The following SHLD3 variants were observed in gnomAD, a reference collection of about 807,000 sequenced individuals.
The protein encoded by SHLD3 is REV7-interacting novel NHEJ regulator 1.
SHLD3 carries 15 observed loss-of-function variants against 21.4 expected under a neutral mutation model. That is an observed-to-expected ratio of 0.70 (90% CI 0.47 to 1.08). The LOEUF is 1.08. Among genes scored for constraint, SHLD3 ranks in the 50% least tolerant of loss-of-function variants. The probability of loss-of-function intolerance (pLI) is 0.00; values close to 1 mark genes in which losing one functional copy is unlikely to be tolerated. For synonymous variants in SHLD3, 103 were observed against 97.2 expected (o/e 1.06, Z -0.35); for missense variants, 273 against 286.1 (o/e 0.95, Z 0.33).
rs1755140031 is a variant in SHLD3, at chr5:65,625,054, G to A, written c.-173G>A. ...CCGTAGGCTGTGGGTCAAAAGTGCCGGTCAAAATGGAAGTGAATCCCCCTA... is the reference window on the plus strand; with the variant it reads ...CCGTAGGCTGTGGGTCAAAAGTGCCAGTCAAAATGGAAGTGAATCCCCCTA... On this transcript the variant is annotated 5_prime_UTR_variant, in exon 1 of 2. Coordinates refer to ENST00000510585, the MANE Select transcript of SHLD3 (RefSeq NM_001365341.2). 2 of 1,613,242 alleles carry A rather than the reference G, an allele frequency of 1.2e-6. No individual in the cohort carries two copies. The highest frequency in any genetic ancestry group is 8.5e-7 in the Non-Finnish European group (1 of 1,179,394).
intron 1 of SHLD3, 167 bp downstream of exon 1, chr5:65,625,273 G>T: frequency 1.6e-6 from 1 of 628,766 alleles, no homozygotes. Flanking sequence ...ATGCTTTTTA[G>T]GTTTATGGGC....
intron 1 of SHLD3, among the ~76,000 whole-genome samples, chr5:65,627,454 A>AC (rs1755295631): frequency 6.6e-6 from 1 of 151,840 alleles, no homozygotes; most frequent in Non-Finnish European, 1.5e-5. Context: ...ACATTATGAA[A>AC]CCCCGTCTCT....
At chr5:65,627,313 ATTAAT>A (rs1290219978) in intron 1 of SHLD3, among the ~76,000 whole-genome samples, 1 of 151,942 alleles carries the variant, frequency 6.6e-6, no homozygotes, top group Non-Finnish European at 1.5e-5. Flanking sequence ...TGCCAAATGT[ATTAAT>A]TTAAGTGGTC....
rs761739530 is a variant in SHLD3, at chr5:65,625,077, C to G, written c.-150C>G. 1.9e-6 allele frequency: 3 copies of G among 1,613,830 alleles called. No individual in the cohort carries two copies. The highest frequency in any genetic ancestry group is 1.1e-5 in the South Asian group (1 of 91,082). ...CCGGTCAAAATGGAAGTGAATCCCC[C>G]TAAACAGGAGCACCTGCTGGCGCTA... On this transcript the variant is annotated 5_prime_UTR_variant, in exon 1 of 2. Coordinates refer to ENST00000510585, the MANE Select transcript of SHLD3 (RefSeq NM_001365341.2).
chr5:65,628,298 G>A (rs965069073), intron 1 of SHLD3, among the ~76,000 whole-genome samples: 4 of 152,062 alleles, frequency 2.6e-5, no homozygotes, highest in Non-Finnish European at 5.9e-5. Context: ...CTGTTTAATT[G>A]CCTGGATTAT....
intron 1 of SHLD3, among the ~76,000 whole-genome samples, chr5:65,626,490 G>T (rs765538529): frequency 5.9e-5 from 9 of 152,154 alleles, no homozygotes; most frequent in Non-Finnish European, 1.3e-4. Context: ...TGTAATCCCA[G>T]CAGTTTGGGA....
At chr5:65,628,619 A>G (rs763146104) in intron 1 of SHLD3, among the ~76,000 whole-genome samples, 3 of 151,750 alleles carry the variant, frequency 2.0e-5, no homozygotes, top group South Asian at 4.2e-4. Flanking sequence ...TTACAGGCAC[A>G]CGCCACCACA....
chr5:65,626,556 T>C (rs1256182046), intron 1 of SHLD3, among the ~76,000 whole-genome samples: 1 of 151,960 alleles, frequency 6.6e-6, no homozygotes, highest in African/African-American at 2.4e-5. Flanking sequence ...GCTAACATAG[T>C]GAAACCCCGT....
In SHLD3 at chr5:65,629,451, C is replaced by G; in HGVS notation, c.-120-17C>G. Reference sequence around the variant, plus strand: ...TATCCCTACCATATCTTATTCTTTGCAATACTTCTACTTTAGGTCCTGTTT... The same window carrying G: ...TATCCCTACCATATCTTATTCTTTGGAATACTTCTACTTTAGGTCCTGTTT... On this transcript the variant is annotated splice_polypyrimidine_tract_variant and intron_variant, in intron 1 of 1. Coordinates refer to ENST00000510585, the MANE Select transcript of SHLD3 (RefSeq NM_001365341.2). 7.1e-7 allele frequency: 1 copy of G among 1,407,154 alleles called. No homozygotes were observed. The highest frequency in any genetic ancestry group is 2.5e-5 in the East Asian group (1 of 39,698). 87.2% of individuals were successfully genotyped at this position (1,407,154 alleles called of 1,614,324 possible).
intron 1 of SHLD3, 162 bp downstream of exon 1, chr5:65,625,268 T>G: frequency 1.5e-6 from 1 of 645,964 alleles, no homozygotes; most frequent in South Asian, 1.8e-5. Flanking sequence ...CCTGGATGCT[T>G]TTTAGGTTTA....
intron 1 of SHLD3, 115 bp downstream of exon 1, chr5:65,625,221 T>A (rs1755154633): frequency 3.3e-6 from 3 of 916,430 alleles, no homozygotes; most frequent in Non-Finnish European, 3.5e-6. Context: ...GCCCTCCTGC[T>A]CTGTCCTTTG....
intron 1 of SHLD3, among the ~76,000 whole-genome samples, chr5:65,629,070 C>G (rs1223366283): frequency 1.3e-5 from 2 of 152,060 alleles, no homozygotes; most frequent in Admixed American, 6.5e-5. Context: ...ATTTAGTTGC[C>G]TCAAATTTTT....
Position 65,630,268 on chromosome 5 carries a change from TAAAG to T in SHLD3, c.682_685del (p.Lys228GlufsTer3). ...ATTGTGAATATGTGGGAAGTCTTCT[TAAAG>T]GAAGATTAGCTCTTACTGGAAAAAT... On this transcript the variant is annotated frameshift_variant, in exon 2 of 2. Transcript: ENST00000510585. LOFTEE classifies it high-confidence loss of function. 3 of 1,535,368 alleles carry T rather than the reference TAAAG, an allele frequency of 2.0e-6. No individual in the cohort carries two copies. The highest frequency in any genetic ancestry group is 1.7e-6 in the Non-Finnish European group (2 of 1,146,470).
chr5:65,625,293 G>A, intron 1 of SHLD3, 187 bp downstream of exon 1: 1 of 596,556 alleles, frequency 1.7e-6, no homozygotes, highest in African/African-American at 1.9e-5. Flanking sequence ...CCCCTTTCTA[G>A]AACGAAATAG....
At position 65,630,377 on chromosome 5, in the gene SHLD3, G is replaced by T. The variant is rs970020453; in HGVS notation, c.*37G>T. On this transcript the variant is annotated 3_prime_UTR_variant, in exon 2 of 2. Transcript: ENST00000510585. ...GATTGTCAAAAAGAATATTCTGAAT[G>T]AAATGAATATGGATTGAAATAGATA... The T allele has an allele frequency of 6.9e-7, 1 of 1,447,340 alleles. No homozygotes were observed. The highest frequency in any genetic ancestry group is 2.5e-5 in the East Asian group (1 of 40,158). The allele number at this position is 1,447,340 out of a possible 1,614,324, so 89.7% of individuals were successfully genotyped here.
At position 65,627,131 on chromosome 5, in the gene SHLD3, C is replaced by CAAAAAAAAAAAAAAAA. The variant is rs60169195; in HGVS notation, c.-121+2036_-121+2051dup. 3.6e-3 allele frequency among the ~76,000 whole-genome samples: 117 copies of CAAAAAAAAAAAAAAAA among 32,572 alleles called. 12 individuals carry two copies. The highest frequency in any genetic ancestry group is 6.2e-3 in the Non-Finnish European group (97 of 15,526). The allele number at this position is 32,572 out of a possible 152,430, so 21.4% of individuals were successfully genotyped here. On this transcript the variant is annotated intron_variant, in intron 1 of 1. Coordinates refer to ENST00000510585, the MANE Select transcript of SHLD3 (RefSeq NM_001365341.2). The stretch of plus-strand genomic sequence containing the variant: ...TGGGTGACAGAGTGAGACCCTGTCT[C>CAAAAAAAAAAAAAAAA]AAAAAAAAAAAAAAAAAAAAAAAAA...
chr5:65,625,145 C>T (rs747557088), intron 1 of SHLD3, 39 bp downstream of exon 1: 11 of 1,546,426 alleles, frequency 7.1e-6, no homozygotes, highest in Non-Finnish European at 8.0e-6. Context: ...TTTCTGTTTC[C>T]TTGCATTCCC....
At position 65,625,062 on chromosome 5, in the gene SHLD3, T is replaced by C. The variant is rs1189699821; in HGVS notation, c.-165T>C. On this transcript the variant is annotated 5_prime_UTR_variant, in exon 1 of 2. An upstream start codon of the reference 5' UTR is lost. Coordinates refer to ENST00000510585, the MANE Select transcript of SHLD3 (RefSeq NM_001365341.2). ...TGTGGGTCAAAAGTGCCGGTCAAAA[T>C]GGAAGTGAATCCCCCTAAACAGGAG... 1.2e-6 allele frequency: 2 copies of C among 1,613,714 alleles called. No homozygotes were observed. Among genetic ancestry groups the C allele is most frequent in the South Asian group, 1.1e-5 (1 of 91,074 alleles).
At chr5:65,625,133 C>A in intron 1 of SHLD3, 27 bp downstream of exon 1, 1 of 1,601,542 alleles carries the variant, frequency 6.2e-7, no homozygotes, top group Non-Finnish European at 8.6e-7. Flanking sequence ...CTGATTCCCC[C>A]TTTTCTGTTT....
Sources: gnomAD v4.1 joint callset for allele counts (sites outside exome capture counted in the v4.1 genomes callset) on GRCh38, gnomAD v4.1.1 for gene constraint, MANE v1.5 for transcripts, NCBI Gene and HGNC (gene_info 2026-07-23, HGNC 2026-07-21) for gene names.